RAG1: variants seen among roughly 807,000 people sequenced by gnomAD.
RAG1 encodes V(D)J recombination-activating protein 1.
In RAG1, 35 loss-of-function variants were observed where a neutral mutation model predicts 62.7. The ratio of observed to expected loss-of-function variants is 0.56; its 90% CI spans 0.43 to 0.74. The LOEUF is 0.74. Ranked by LOEUF, RAG1 falls within the 30% of genes least tolerant of loss-of-function variation. The pLI is 0.00. For synonymous variants in RAG1, 461 were observed against 470.3 expected, an observed-to-expected ratio of 0.98 and a Z score of 0.26; for missense variants, 1,169 against 1,278.6, an observed-to-expected ratio of 0.91 and a Z score of 1.31.
intron 1 of RAG1, among the ~76,000 whole-genome samples, chr11:36,570,607 A>G (rs1400828330): frequency 6.6e-6 from 1 of 152,226 alleles, no homozygotes; most frequent in African/African-American, 2.4e-5. Flanking sequence ...ACTATTCTTC[A>G]TAGTGGCTGT....
chr11:36,527,119 T>C (rs1316812022), intron 2 of RAG1, among the ~76,000 whole-genome samples: 2 of 152,234 alleles, frequency 1.3e-5, no homozygotes, highest in Non-Finnish European at 2.9e-5. Context: ...TGGCTTTTGT[T>C]ACCATTGCTT....
At chr11:36,566,737 C>T (rs1024935348), upstream of RAG1, among the ~76,000 whole-genome samples, 8 of 152,170 alleles carry the variant, frequency 5.3e-5, no homozygotes, top group African/African-American at 1.4e-4. Flanking sequence ...ACTGAAGCTC[C>T]TAGAAGCCAC....
At chr11:36,568,674 T>C (rs1850694888) in intron 1 of RAG1, among the ~76,000 whole-genome samples, 1 of 152,248 alleles carries the variant, frequency 6.6e-6, no homozygotes, top group Non-Finnish European at 1.5e-5. Flanking sequence ...ATGATCTGCA[T>C]TTCTTTTTAA....
At chr11:36,525,099 T>G (rs1860140079) in intron 2 of RAG1, among the ~76,000 whole-genome samples, 1 of 151,966 alleles carries the variant, frequency 6.6e-6, no homozygotes, top group South Asian at 2.1e-4. Context: ...TCTTTCTGTC[T>G]CTTTTTCCTT....
At chr11:36,530,408 T>G (rs1423539371) in intron 2 of RAG1, among the ~76,000 whole-genome samples, 1 of 151,898 alleles carries the variant, frequency 6.6e-6, no homozygotes, top group African/African-American at 2.4e-5. Context: ...GTTCTTGAAG[T>G]AAGAGCTTAC....
intron 2 of RAG1, among the ~76,000 whole-genome samples, chr11:36,530,719 C>T (rs763406521): frequency 5.3e-5 from 8 of 151,788 alleles, no homozygotes; most frequent in African/African-American, 9.7e-5. Context: ...TGAAATTTGT[C>T]GAGTTTCTTT....
intron 1 of RAG1, among the ~76,000 whole-genome samples, chr11:36,514,232 A>G (rs150804801): frequency 1.3e-5 from 2 of 152,196 alleles, no homozygotes; most frequent in Non-Finnish European, 2.9e-5. Flanking sequence ...CTTGACTGCA[A>G]TCTCACAAGA....
At chr11:36,516,298 A>C (rs1859994488) in intron 1 of RAG1, among the ~76,000 whole-genome samples, 1 of 152,188 alleles carries the variant, frequency 6.6e-6, no homozygotes, top group South Asian at 2.1e-4. Flanking sequence ...TGTGGTAAAA[A>C]TCACTGTTGT....
At chr11:36,547,830 A>G (rs1354502431) in intron 3 of RAG1, among the ~76,000 whole-genome samples, 2 of 152,176 alleles carry the variant, frequency 1.3e-5, no homozygotes, top group Non-Finnish European at 2.9e-5. Flanking sequence ...AAAAAAAGAA[A>G]ATTTCAGGCC....
chr11:36,533,500 T>C (rs539919870), intron 2 of RAG1, among the ~76,000 whole-genome samples: 22 of 152,296 alleles, frequency 1.4e-4, no homozygotes, highest in African/African-American at 4.3e-4. Flanking sequence ...TACTAAACTT[T>C]TGTGAACTCA....
At chr11:36,548,695 G>A (rs1850435475) in intron 3 of RAG1, among the ~76,000 whole-genome samples, 1 of 152,142 alleles carries the variant, frequency 6.6e-6, no homozygotes, top group Non-Finnish European at 1.5e-5. Context: ...TGGCCATACA[G>A]CCCAAAATAA....
At chr11:36,520,649 C>T (rs1564974814) in intron 2 of RAG1, among the ~76,000 whole-genome samples, 1 of 152,100 alleles carries the variant, frequency 6.6e-6, no homozygotes, top group Non-Finnish European at 1.5e-5. Flanking sequence ...TAAAACATAT[C>T]AGATATATAA....
At chr11:36,527,373 T>G (rs757859157) in intron 2 of RAG1, among the ~76,000 whole-genome samples, 1 of 152,186 alleles carries the variant, frequency 6.6e-6, no homozygotes, top group Non-Finnish European at 1.5e-5. Flanking sequence ...TTGTCAGGTT[T>G]GTCAAAGATC....
At chr11:36,539,416 ACT>A (rs983678627), downstream of RAG1, among the ~76,000 whole-genome samples, 1 of 151,800 alleles carries the variant, frequency 6.6e-6, no homozygotes, top group African/African-American at 2.4e-5. Flanking sequence ...ACTAATATAG[ACT>A]CTGTCTACCC....
intron 2 of RAG1, among the ~76,000 whole-genome samples, chr11:36,529,058 G>T (rs1860211200): frequency 6.6e-6 from 1 of 152,070 alleles, no homozygotes; most frequent in African/African-American, 2.4e-5. Flanking sequence ...AATTCTACCA[G>T]AGGTACATAG....
At chr11:36,545,068 AATTT>A (rs1463690800) in intron 3 of RAG1, among the ~76,000 whole-genome samples, 2 of 152,230 alleles carry the variant, frequency 1.3e-5, no homozygotes, top group African/African-American at 4.8e-5. Flanking sequence ...GATAGATTAG[AATTT>A]ATTTATCCAG....
chr11:36,561,118 C>T (rs1379354622), intron 3 of RAG1, among the ~76,000 whole-genome samples: 1 of 152,214 alleles, frequency 6.6e-6, no homozygotes, highest in East Asian at 1.9e-4. Flanking sequence ...AAACTGGAAG[C>T]TGGAGGTTGA....
chr11:36,512,838 T>G (rs1590655938), intron 1 of RAG1, among the ~76,000 whole-genome samples: 1 of 152,234 alleles, frequency 6.6e-6, no homozygotes, highest in African/African-American at 2.4e-5. Flanking sequence ...CCTAATAATT[T>G]AAAATATTTT....
chr11:36,539,953 G>T (rs548390894), downstream of RAG1, among the ~76,000 whole-genome samples: 82 of 152,182 alleles, frequency 5.4e-4, no homozygotes, highest in African/African-American at 1.9e-3. Flanking sequence ...GTTCTATTTT[G>T]TTCCATCCAT....
Sources: allele counts gnomAD v4.1 joint callset (sites outside exome capture counted in the v4.1 genomes callset), GRCh38; gene constraint gnomAD v4.1.1; transcripts MANE v1.5; gene names NCBI Gene and HGNC (gene_info 2026-07-23, HGNC 2026-07-21).